EDA: variants seen among roughly 807,000 people sequenced by gnomAD.
EDA encodes the protein ectodysplasin A.
Under a neutral mutation model 23.6 loss-of-function variants are expected in EDA, and 2 were observed. The ratio of observed to expected loss-of-function variants is 0.08; its 90% CI spans 0.03 to 0.27. EDA has a LOEUF of 0.27. Ranked by LOEUF, EDA falls within the 10% of genes least tolerant of loss-of-function variation. The probability of loss-of-function intolerance (pLI) is 1.00; values close to 1 mark genes in which losing one functional copy is unlikely to be tolerated. For synonymous variants in EDA, 131 were observed against 132.0 expected, an observed-to-expected ratio of 0.99 and a Z score of 0.05; for missense variants, 229 against 324.2, an observed-to-expected ratio of 0.71 and a Z score of 2.26.
At chrX:69,981,695 C>T (rs1375219185) in intron 2 of EDA, among the ~76,000 whole-genome samples, 2 of 112,204 alleles carry the variant, frequency 1.8e-5, no homozygotes, top group African/African-American at 3.2e-5. Context: ...ACTTTGTGCC[C>T]TCACTTTATG....
intron 1 of EDA, among the ~76,000 whole-genome samples, chrX:69,865,761 A>G (rs148878804): frequency 7.9e-4 from 88 of 111,466 alleles, no homozygotes; most frequent in African/African-American, 2.9e-3. Context: ...AATAAAGACA[A>G]TGAGGTCATA....
chrX:69,663,602 C>G (rs1385637441), intron 1 of EDA, among the ~76,000 whole-genome samples: 1 of 112,415 alleles, frequency 8.9e-6, no homozygotes, highest in African/African-American at 3.2e-5. Context: ...GGGTGCAAGC[C>G]CTCAGCCAGA....
chrX:70,008,374 C>CA (rs1434398603), intron 2 of EDA, among the ~76,000 whole-genome samples: 1 of 112,077 alleles, frequency 8.9e-6, no homozygotes, highest in Non-Finnish European at 1.9e-5. Flanking sequence ...TGCATTTTGT[C>CA]AAAAATCCTT....
chrX:69,991,483 G>A (rs1443820649), intron 2 of EDA, among the ~76,000 whole-genome samples: 1 of 110,729 alleles, frequency 9.0e-6, no homozygotes, highest in Non-Finnish European at 1.9e-5. Flanking sequence ...GTGCTTCCAT[G>A]GACCATCCAG....
chrX:69,691,108 TCATTTGA>T (rs925593735), intron 1 of EDA, among the ~76,000 whole-genome samples: 9 of 111,893 alleles, frequency 8.0e-5, no homozygotes, highest in Non-Finnish European at 1.5e-4. Flanking sequence ...AGCAAATTAA[TCATTTGA>T]AGGCAGCTAG....
intron 1 of EDA, among the ~76,000 whole-genome samples, chrX:69,770,996 A>G (rs1473518751): frequency 4.5e-5 from 5 of 111,763 alleles, no homozygotes; most frequent in Non-Finnish European, 9.4e-5. Context: ...ACGCCATTGA[A>G]CTACTTTTGC....
At chrX:69,726,261 A>G (rs1474789269) in intron 1 of EDA, among the ~76,000 whole-genome samples, 1 of 112,288 alleles carries the variant, frequency 8.9e-6, no homozygotes, top group Non-Finnish European at 1.9e-5. Context: ...AGCTTTCATC[A>G]ATTTCACAAT....
chrX:69,655,285 T>C (rs1653930901), intron 1 of EDA, among the ~76,000 whole-genome samples: 1 of 110,578 alleles, frequency 9.0e-6, no homozygotes, highest in African/African-American at 3.3e-5. Flanking sequence ...TCCCAGCTAC[T>C]CGGGAGGCTG....
At chrX:69,855,372 G>A (rs527755901) in intron 1 of EDA, among the ~76,000 whole-genome samples, 1 of 111,566 alleles carries the variant, frequency 9.0e-6, no homozygotes. Flanking sequence ...AGATTTCTTC[G>A]TTGTGAAATC....
At chrX:69,968,804 A>G (rs1019114929) in intron 2 of EDA, among the ~76,000 whole-genome samples, 1 of 112,451 alleles carries the variant, frequency 8.9e-6, no homozygotes, top group Admixed American at 9.4e-5. Flanking sequence ...TTTAGAAGCA[A>G]TGATTGATCC....
intron 1 of EDA, among the ~76,000 whole-genome samples, chrX:69,782,615 C>T (rs942152406): frequency 2.7e-5 from 3 of 110,938 alleles, no homozygotes; most frequent in Non-Finnish European, 1.9e-5. Flanking sequence ...ATTTGTTCAT[C>T]GAAGTGTCTC....
At position 70,027,988 on chromosome X, in the gene EDA, C is replaced by G. The variant is rs1208076212; in HGVS notation, c.658C>G (p.Pro220Ala). 2 of 1,194,748 alleles carry G rather than the reference C, an allele frequency of 1.7e-6. No homozygotes were observed. Among genetic ancestry groups the G allele is most frequent in the East Asian group, 6.1e-5 (2 of 32,846 alleles). ...GTTVMGPPGP[P>A]GPPGPQGPPG... The stretch of plus-strand genomic sequence containing the variant: ...AACTGTTATGGGACCACCTGGTCCT[C>G]CAGGTCCTCCTGGTCCTCAAGGACC... Residue 220 changes from proline (P) to alanine (A), a missense_variant, in exon 4 of 8, where the codon CCA becomes GCA. Pro to Ala is a conservative substitution (Grantham distance 27). This residue lies in a region of EDA where 175 missense variants were observed against 281.8 expected (regional missense o/e 0.62). Transcript: ENST00000374552.
chrX:69,904,120 A>G (rs933645438), intron 1 of EDA, among the ~76,000 whole-genome samples: 5 of 111,727 alleles, frequency 4.5e-5, no homozygotes, highest in African/African-American at 1.6e-4. Context: ...CACATGTGGT[A>G]TTTTGATACA....
chrX:69,825,886 C>A (rs146139252), intron 1 of EDA, among the ~76,000 whole-genome samples: 27,886 of 108,443 alleles, frequency 0.26, 2,783 homozygotes, highest in African/African-American at 0.31. Flanking sequence ...CCCAGAGATT[C>A]TGGTATGTTG....
intron 1 of EDA, among the ~76,000 whole-genome samples, chrX:69,763,210 G>C (rs2014365518): frequency 8.9e-6 from 1 of 112,140 alleles, no homozygotes; most frequent in Non-Finnish European, 1.9e-5. Flanking sequence ...GGCCTTGATA[G>C]GAGTGAGGGA....
chrX:69,685,319 G>A (rs757951564), intron 1 of EDA, among the ~76,000 whole-genome samples: 15 of 112,221 alleles, frequency 1.3e-4, no homozygotes, highest in Non-Finnish European at 2.4e-4. Flanking sequence ...GAGCCAGTTA[G>A]CAAATATCTT....
intron 2 of EDA, among the ~76,000 whole-genome samples, chrX:69,987,105 C>G (rs2019503976): frequency 1.4e-5 from 1 of 73,515 alleles, no homozygotes; most frequent in Admixed American, 1.8e-4. Context: ...AGGGGAATAT[C>G]ACACTCTGGG....
chrX:69,691,440 T>C (rs1934708617), intron 1 of EDA, among the ~76,000 whole-genome samples: 1 of 111,919 alleles, frequency 8.9e-6, no homozygotes, highest in African/African-American at 3.2e-5. Context: ...TTTTAAAGTC[T>C]GAAAAAATAT....
chrX:69,822,415 CTT>C (rs932583114), intron 1 of EDA, among the ~76,000 whole-genome samples: 1 of 111,365 alleles, frequency 9.0e-6, no homozygotes, highest in African/African-American at 3.3e-5. Flanking sequence ...GGAAGCATAA[CTT>C]ATAGATGAAC....
Sources: gnomAD v4.1 joint callset for allele counts (sites outside exome capture counted in the v4.1 genomes callset) on GRCh38, gnomAD v4.1.1 for gene constraint, gnomAD v4.1.1 regional missense constraint, MANE v1.5 for transcripts, NCBI Gene and HGNC (gene_info 2026-07-23, HGNC 2026-07-21) for gene names.